Variants in C5orf58 observed in about 807,000 individuals in gnomAD.
C5orf58 encodes chromosome 5 open reading frame 58, also known as putative uncharacterized protein C5orf58.
In C5orf58, 2 loss-of-function variants were observed where a neutral mutation model predicts 2.9. The observed-to-expected ratio is 0.69, with a 90% confidence interval of 0.28 to 2.18. C5orf58 has a LOEUF of 2.18. Among genes scored for constraint, C5orf58 ranks in the 30% most tolerant of loss-of-function variants. The pLI is 0.13. For synonymous variants in C5orf58, 37 were observed against 33.4 expected (o/e 1.11, Z -0.37); for missense variants, 96 against 91.7 (o/e 1.05, Z -0.19).
downstream of C5orf58, among the ~76,000 whole-genome samples, chr5:170,249,025 T>C (rs1372647826): frequency 1.3e-5 from 2 of 152,104 alleles, no homozygotes; most frequent in Non-Finnish European, 2.9e-5. Context: ...AAACCATAGA[T>C]AAAGATAAAA....
At chr5:170,243,813 C>G (rs1275021930) in intron 3 of C5orf58, among the ~76,000 whole-genome samples, 1 of 149,292 alleles carries the variant, frequency 6.7e-6, no homozygotes, top group Non-Finnish European at 1.5e-5. Flanking sequence ...GAATTTGATC[C>G]TGTCATTATG....
chr5:170,241,728 G>A (rs1761017620), intron 3 of C5orf58, among the ~76,000 whole-genome samples: 1 of 143,800 alleles, frequency 7.0e-6, no homozygotes, highest in South Asian at 2.3e-4. Flanking sequence ...TGCAAACAGG[G>A]ACAATTTGAC....
chr5:170,236,691 A>G (rs1326856636), intron 3 of C5orf58, among the ~76,000 whole-genome samples: 1 of 152,166 alleles, frequency 6.6e-6, no homozygotes, highest in Non-Finnish European at 1.5e-5. Flanking sequence ...CTATTTGCAT[A>G]TCTCCACAAG....
At chr5:170,250,592 A>C, downstream of C5orf58, 1 of 676,308 alleles carries the variant, frequency 1.5e-6, no homozygotes, top group Non-Finnish European at 2.6e-6. Context: ...TTTCTCTTCC[A>C]ATAAATGAAG....
rs1465240904 is a variant in C5orf58 at position 170,242,729 on chromosome 5, G to C, written c.95-3233G>C. 8.0e-5 allele frequency among the ~76,000 whole-genome samples: 12 copies of C among 150,160 alleles called. No individual in the cohort carries two copies. The South Asian group carries it at 2.4e-3, about 29-fold the overall frequency. ...TTTTGTTGATCCTTTCAAAAAACCA[G>C]CTCCTGGATTCATTAATTTTTGAAG... On this transcript the variant is annotated intron_variant, in intron 3 of 3. Transcript: ENST00000593851.
At chr5:170,252,496 C>T (rs1023633060), downstream of C5orf58, 11 of 1,558,742 alleles carry the variant, frequency 7.1e-6, no homozygotes, top group Non-Finnish European at 9.7e-6. Context: ...ACGTACCACT[C>T]TTCATTTAAT....
At chr5:170,246,447 A>G, downstream of C5orf58, 1 of 172,686 alleles carries the variant, frequency 5.8e-6, no homozygotes, top group Non-Finnish European at 1.2e-5. Flanking sequence ...GCCAAGCACA[A>G]CTCAACCAGC....
chr5:170,234,875 T>G, intron 2 of C5orf58, 102 bp from the exon 3 acceptor site: 1 of 543,102 alleles, frequency 1.8e-6, no homozygotes, highest in South Asian at 2.8e-5. Flanking sequence ...TCATAATTAT[T>G]TCTGAAATAA....
downstream of C5orf58, chr5:170,248,758 T>C: frequency 4.3e-6 from 7 of 1,610,482 alleles, no homozygotes; most frequent in Non-Finnish European, 5.1e-6. Context: ...GTTTTTCCCA[T>C]CAATGAGCAG....
At chr5:170,250,564 T>G (rs1296520940), downstream of C5orf58, among the ~76,000 whole-genome samples, 1 of 152,252 alleles carries the variant, frequency 6.6e-6, no homozygotes, top group Non-Finnish European at 1.5e-5. Flanking sequence ...AAGTAACCAT[T>G]GTAAAGATTT....
At chr5:170,242,492 C>T in intron 3 of C5orf58, among the ~76,000 whole-genome samples, 1 of 125,374 alleles carries the variant, frequency 8.0e-6, no homozygotes, top group Admixed American at 8.3e-5. Context: ...CAACTTCTTC[C>T]TGGTTTAGTC....
chr5:170,245,954 T>C lies in C5orf58; in HGVS notation c.95-8T>C. Reference sequence around the variant, plus strand: ...ACAATATAATATCTCCTGTTTTGTTTTGCACAGAGCTCTCCCAGTTATTGC... The same window carrying C: ...ACAATATAATATCTCCTGTTTTGTTCTGCACAGAGCTCTCCCAGTTATTGC... On this transcript the variant is annotated splice_region_variant and splice_polypyrimidine_tract_variant and intron_variant, in intron 3 of 3. Coordinates refer to ENST00000593851, the MANE Select transcript of C5orf58 (RefSeq NM_001102609.3). 1 of 1,609,282 alleles carries C rather than the reference T, an allele frequency of 6.2e-7. No homozygotes were observed.
chr5:170,249,358 G>A (rs1218906314), downstream of C5orf58, among the ~76,000 whole-genome samples: 2 of 104,176 alleles, frequency 1.9e-5, no homozygotes, highest in East Asian at 2.6e-4. Context: ...ATGTGCATGC[G>A]TGTGTATATA....
intron 3 of C5orf58, among the ~76,000 whole-genome samples, chr5:170,244,734 G>T (rs150444187): frequency 1.3e-5 from 2 of 151,858 alleles, no homozygotes; most frequent in African/African-American, 2.4e-5. Context: ...ATGTCCTCCC[G>T]TTAGCTCAGA....
At chr5:170,242,178 G>A (rs1180063789) in intron 3 of C5orf58, among the ~76,000 whole-genome samples, 1 of 150,696 alleles carries the variant, frequency 6.6e-6, no homozygotes, top group Non-Finnish European at 1.5e-5. Context: ...GATTCGTTTT[G>A]CCAGTATTTT....
chr5:170,252,487 C>G (rs895809061), downstream of C5orf58: 1 of 1,572,786 alleles, frequency 6.4e-7, no homozygotes, highest in Non-Finnish European at 8.7e-7. Flanking sequence ...ATATAAGAAA[C>G]GTACCACTCT....
rs747777610 is a variant in C5orf58 at position 170,234,961 on chromosome 5, T to G, written c.1-16T>G. On this transcript the variant is annotated splice_polypyrimidine_tract_variant and intron_variant, in intron 2 of 3. Coordinates refer to ENST00000593851, the MANE Select transcript of C5orf58 (RefSeq NM_001102609.3). ...TACTGATTTATACATTGTTTCTGTT[T>G]TTCTTTTAAAATCAGATGGGTAAGA... 1 of 1,276,956 alleles carries G rather than the reference T, an allele frequency of 7.8e-7. No homozygotes were observed. The highest frequency in any genetic ancestry group is 1.4e-5 in the South Asian group (1 of 73,404). 79.1% of individuals were successfully genotyped at this position (1,276,956 alleles called of 1,614,324 possible). A position where few individuals can be genotyped will look rare whatever the true frequency, so the allele number is the denominator to read the frequency against.
chr5:170,249,380 A>ATATATC (rs57880741), downstream of C5orf58, among the ~76,000 whole-genome samples: 5,371 of 147,932 alleles, frequency 0.036, 119 homozygotes, highest in Non-Finnish European at 0.045. Flanking sequence ...ATATATATAT[A>ATATATC]TCTACATATC....
chr5:170,233,037 G>A (rs952626988), intron 1 of C5orf58, 30 bp downstream of exon 1: 2 of 937,676 alleles, frequency 2.1e-6, no homozygotes, highest in Non-Finnish European at 2.5e-6. Flanking sequence ...CGGTCTTGAA[G>A]GATCCTAATC....
Sources: gnomAD v4.1 joint callset for allele counts (sites outside exome capture counted in the v4.1 genomes callset) on GRCh38, gnomAD v4.1.1 for gene constraint, MANE v1.5 for transcripts, NCBI Gene and HGNC (gene_info 2026-07-23, HGNC 2026-07-21) for gene names.